Variants in GFI1B observed in about 807,000 individuals in gnomAD.
The protein encoded by GFI1B is growth factor independent 1B transcriptional repressor.
In GFI1B, 20 loss-of-function variants were observed where a neutral mutation model predicts 35.3. That is an observed-to-expected ratio of 0.57 (90% CI 0.40 to 0.82). The LOEUF (loss-of-function observed/expected upper bound fraction) is 0.82, where lower values mean the gene tolerates loss of function less well. Among genes scored for constraint, GFI1B ranks in the 40% least tolerant of loss-of-function variants. GFI1B has a pLI of 0.00. For synonymous variants in GFI1B, 178 were observed against 177.6 expected, an observed-to-expected ratio of 1.00 and a Z score of -0.02; for missense variants, 430 against 446.3, an observed-to-expected ratio of 0.96 and a Z score of 0.33.
At chr9:132,976,052 C>T (rs1848624707), upstream of GFI1B, among the ~76,000 whole-genome samples, 1 of 152,160 alleles carries the variant, frequency 6.6e-6, no homozygotes, top group Admixed American at 6.5e-5. Flanking sequence ...GGAAGGCTGT[C>T]CCTGTGTCAG....
At chr9:132,983,268 C>T (rs987320505) in intron 1 of GFI1B, among the ~76,000 whole-genome samples, 7 of 137,938 alleles carry the variant, frequency 5.1e-5, no homozygotes, top group Non-Finnish European at 1.1e-4. Flanking sequence ...GTGATCTCGG[C>T]TCACTGCAAC....
intron 2 of GFI1B, 75 bp from the exon 3 acceptor site, chr9:132,987,207 G>C (rs1215966961): frequency 6.7e-7 from 1 of 1,489,094 alleles, no homozygotes; most frequent in Non-Finnish European, 9.2e-7. Flanking sequence ...TCCTAGGAAG[G>C]GCGTGCCCTC....
At chr9:132,978,565 T>C (rs1848701791), upstream of GFI1B, 1 of 152,208 alleles carries the variant, frequency 6.6e-6, no homozygotes, top group African/African-American at 2.4e-5. Flanking sequence ...AAGTCTTGTG[T>C]CCTGGAAAGT....
At chr9:132,990,240 C>A (rs180902048) in intron 6 of GFI1B, among the ~76,000 whole-genome samples, 37 of 147,924 alleles carry the variant, frequency 2.5e-4, no homozygotes, top group Non-Finnish European at 4.9e-4. Context: ...CACATTCGCT[C>A]ACTCATTTGC....
intron 1 of GFI1B, among the ~76,000 whole-genome samples, chr9:132,986,010 A>C (rs1004040832): frequency 6.6e-6 from 1 of 152,004 alleles, no homozygotes; most frequent in African/African-American, 2.4e-5. Flanking sequence ...GGCTTGTCTG[A>C]GCGTTTTCTA....
At chr9:132,970,450 C>T (rs1244735458) in intron 1 of GFI1B, among the ~76,000 whole-genome samples, 3 of 152,184 alleles carry the variant, frequency 2.0e-5, no homozygotes, top group African/African-American at 7.2e-5. Flanking sequence ...TGCACGCACG[C>T]ACGCACACAG....
rs36015720 is a variant in GFI1B at position 132,949,268 on chromosome 9, TACACACAC to T, written c.-701+3629_-701+3636del. ...CTGTGAATCAAGCCAAACCCACAGATACACACACACACACACACACACACACACACACA... is the reference window on the plus strand; with the variant it reads ...CTGTGAATCAAGCCAAACCCACAGATACACACACACACACACACACACACA... On this transcript the variant is annotated intron_variant, in intron 1 of 10. Transcript: ENST00000339463. 3.4e-3 allele frequency among the ~76,000 whole-genome samples: 466 copies of T among 137,670 alleles called. 1 individual carries two copies. The highest frequency in any genetic ancestry group is 0.019 in the Middle Eastern group (5 of 266). 90.3% of individuals were successfully genotyped at this position (137,670 alleles called of 152,430 possible).
In GFI1B at chr9:132,990,856, G is replaced by A. The variant is rs369433849; in HGVS notation, c.815-16G>A. Reference sequence around the variant, plus strand: ...CCTGACCCCGCCCTTGCTGTGCTGCGCTGCCCTCCCTGCAGGTGAGAAGCC... The same window carrying A: ...CCTGACCCCGCCCTTGCTGTGCTGCACTGCCCTCCCTGCAGGTGAGAAGCC... On this transcript the variant is annotated splice_polypyrimidine_tract_variant and intron_variant, in intron 6 of 6. Transcript: ENST00000372122. 5.2e-4 allele frequency: 837 copies of A among 1,613,696 alleles called. 3 individuals are homozygous for A. The highest frequency in any genetic ancestry group is 6.1e-4 in the Non-Finnish European group (723 of 1,179,758).
chr9:132,987,522 G>T lies in GFI1B; in HGVS notation c.238+103G>T. ...CCCTTGGGGCCCTGGAGTCAGGAAGGACCCACGAAGTCACTGGATGCAGCC... is the reference window on the plus strand; with the variant it reads ...CCCTTGGGGCCCTGGAGTCAGGAAGTACCCACGAAGTCACTGGATGCAGCC... On this transcript the variant is annotated intron_variant, in intron 3 of 6. Coordinates refer to ENST00000372122, the MANE Select transcript of GFI1B (RefSeq NM_001377304.1). The T allele has an allele frequency of 4.5e-6, 6 of 1,345,246 alleles. 1 individual carries two copies. The South Asian group carries it at 4.8e-5, about 11-fold the overall frequency. 83.3% of individuals were successfully genotyped at this position (1,345,246 alleles called of 1,614,324 possible). A position where few individuals can be genotyped will look rare whatever the true frequency, so the allele number is the denominator to read the frequency against.
intron 1 of GFI1B, among the ~76,000 whole-genome samples, chr9:132,959,382 C>T (rs899039622): frequency 2.0e-5 from 3 of 152,178 alleles, no homozygotes; most frequent in East Asian, 3.9e-4. Flanking sequence ...CTGAGGCCCT[C>T]CCAGCCCTGA....
At chr9:132,973,034 T>C (rs919483582) in intron 2 of GFI1B, among the ~76,000 whole-genome samples, 13 of 152,246 alleles carry the variant, frequency 8.5e-5, no homozygotes, top group Non-Finnish European at 1.5e-4. Flanking sequence ...AGCAGGCACT[T>C]TTCTGGCACC....
upstream of GFI1B, among the ~76,000 whole-genome samples, chr9:132,977,009 G>A (rs771160778): frequency 6.6e-6 from 1 of 152,186 alleles, no homozygotes; most frequent in Non-Finnish European, 1.5e-5. Context: ...CCAGGCTGAA[G>A]TGCAATGGTG....
At chr9:132,960,584 G>T (rs978746390) in intron 1 of GFI1B, among the ~76,000 whole-genome samples, 1 of 151,930 alleles carries the variant, frequency 6.6e-6, no homozygotes, top group Non-Finnish European at 1.5e-5. Flanking sequence ...ACAGCCTCGA[G>T]CTCCTGGGCT....
intron 1 of GFI1B, among the ~76,000 whole-genome samples, chr9:132,965,992 A>C (rs1156659826): frequency 2.6e-5 from 4 of 152,246 alleles, no homozygotes; most frequent in Non-Finnish European, 1.5e-5. Context: ...CCTGGAACTT[A>C]AAATTAAATT....
chr9:132,991,897 CA>C (rs1336707006), downstream of GFI1B, among the ~76,000 whole-genome samples: 1 of 152,070 alleles, frequency 6.6e-6, no homozygotes, highest in Non-Finnish European at 1.5e-5. Context: ...GACAAGACCA[CA>C]GGGGTGGGCA....
chr9:132,957,654 G>A (rs1160388694), intron 1 of GFI1B, among the ~76,000 whole-genome samples: 1 of 152,058 alleles, frequency 6.6e-6, no homozygotes, highest in East Asian at 1.9e-4. Flanking sequence ...AGACACTTTA[G>A]TAGCAGACAC....
rs765457550 is a variant in GFI1B at position 132,989,796 on chromosome 9, C to T, written c.703C>T (p.Leu235=). 1 of 1,613,972 alleles carries T rather than the reference C, an allele frequency of 6.2e-7. No homozygotes were observed. The highest frequency in any genetic ancestry group is 1.7e-5 in the Admixed American group (1 of 60,036). ...CGKAFKRSST[L]STHLLIHSDT... ...CAAGGCCTTCAAGCGCTCGTCCACG[C>T]TGTCCACCCACCTGCTCATCCACTC... Residue 235 remains leucine (L), a synonymous_variant, in exon 6 of 7, where the codon CTG becomes TTG. Transcript: ENST00000372122. This position sits in a 1 kb window ranked among gnomAD's most constrained non-coding sequence, Gnocchi z 6.2.
At chr9:132,992,590 C>T (rs1350355188), downstream of GFI1B, among the ~76,000 whole-genome samples, 1 of 152,066 alleles carries the variant, frequency 6.6e-6, no homozygotes, top group African/African-American at 2.4e-5. Flanking sequence ...TAAGTGCTGC[C>T]GAGTTGTGAA....
intron 1 of GFI1B, among the ~76,000 whole-genome samples, chr9:132,965,175 A>G (rs571037322): frequency 6.6e-6 from 1 of 152,338 alleles, no homozygotes; most frequent in South Asian, 2.1e-4. Context: ...CTGAACACTG[A>G]AACAGCTTAG....
Sources: gnomAD v4.1 joint callset for allele counts (sites outside exome capture counted in the v4.1 genomes callset) on GRCh38, gnomAD v4.1.1 for gene constraint, Gnocchi (gnomAD v3.1) non-coding constraint, MANE v1.5 for transcripts, NCBI Gene and HGNC (gene_info 2026-07-23, HGNC 2026-07-21) for gene names.